The following LILRB3 variants were observed in gnomAD, a reference collection of about 807,000 sequenced individuals.
LILRB3 encodes leukocyte immunoglobulin like receptor B3, also known as leukocyte immunoglobulin-like receptor subfamily B member 3.
LILRB3 carries 32 observed loss-of-function variants against 68.2 expected under a neutral mutation model. That is an observed-to-expected ratio of 0.47 (90% confidence interval 0.35 to 0.63). The LOEUF is 0.63. Among genes scored for constraint, LILRB3 ranks in the 30% least tolerant of loss-of-function variants. The probability of loss-of-function intolerance (pLI) is 0.00; values close to 1 mark genes in which losing one functional copy is unlikely to be tolerated. For missense variants in LILRB3, 502 were observed against 791.3 expected (o/e 0.63, Z 4.39); for synonymous variants, 185 against 323.1 (o/e 0.57, Z 4.58).
rs576037242 is a variant in LILRB3 at position 54,216,602 on chromosome 19, G to A, written c.*491C>T. 1.3e-4 allele frequency: 127 copies of A among 1,007,314 alleles called. 1 individual carries two copies. Among genetic ancestry groups the A allele is most frequent in the African/African-American group, 1.0e-4 (6 of 57,634 alleles). 62.4% of individuals were successfully genotyped at this position (1,007,314 alleles called of 1,614,324 possible). ...TGAGATTATAGGCGTGAGCCACCGC[G>A]CCCGGCCTATTTATGCTTCTTAATT... On this transcript the variant is annotated 3_prime_UTR_variant, in exon 13 of 13. Coordinates refer to ENST00000445347, the Ensembl canonical transcript of LILRB3.
At chr19:54,219,051 T>G in intron 8 of LILRB3, 78 bp downstream of exon 8, 1 of 1,537,962 alleles carries the variant, frequency 6.5e-7, no homozygotes, top group Non-Finnish European at 8.7e-7. Flanking sequence ...CTGACACCCC[T>G]GTGTGTTTGG....
At chr19:54,218,168 C>T (rs2077679295) in intron 11 of LILRB3, among the ~76,000 whole-genome samples, 193 bp downstream of exon 11, 1 of 151,854 alleles carries the variant, frequency 6.6e-6, no homozygotes, top group Non-Finnish European at 1.5e-5. Flanking sequence ...AGGAAGGGGA[C>T]CCGGGAGGAG....
At chr19:54,219,935 G>A (rs1385324677) in intron 7 of LILRB3, 2 of 1,432,354 alleles carry the variant, frequency 1.4e-6, no homozygotes, top group East Asian at 5.0e-5. Flanking sequence ...TCAGGACAGG[G>A]AGGTGAAGGC....
intron 7 of LILRB3, 115 bp from the exon 8 acceptor site, chr19:54,219,360 A>G: frequency 6.8e-7 from 1 of 1,472,928 alleles, no homozygotes. Context: ...GCAGTCGTGC[A>G]ACATGGAATT....
chr19:54,218,966 GA>G (rs2077773820), intron 8 of LILRB3, 128 bp from the exon 9 acceptor site: 2 of 1,532,246 alleles, frequency 1.3e-6, no homozygotes, highest in Non-Finnish European at 1.8e-6. Context: ...TTATGAGATA[GA>G]AAAAAACTCC....
At chr19:54,217,451 C>G (rs1053002) in exon 12 of LILRB3, 146,873 of 1,528,352 alleles carry the variant, frequency 0.096, 9,774 homozygotes, top group African/African-American at 0.26. Flanking sequence ...ACGTCACTGC[C>G]TGGGGGTCTT....
chr19:54,218,498 G>T, intron 10 of LILRB3, 85 bp from the exon 11 acceptor site: 4 of 1,604,428 alleles, frequency 2.5e-6, no homozygotes, highest in Non-Finnish European at 2.6e-6. Flanking sequence ...CCCAGATGGG[G>T]CCACCGAATG....
chr19:54,219,334 C>G, intron 7 of LILRB3, 89 bp from the exon 8 acceptor site: 1 of 1,485,830 alleles, frequency 6.7e-7, no homozygotes, highest in Non-Finnish European at 9.1e-7. Context: ...TCCTTCGTGA[C>G]CTCCAACCCT....
At chr19:54,219,732 C>T in intron 7 of LILRB3, 1 of 1,479,910 alleles carries the variant, frequency 6.8e-7, no homozygotes, top group African/African-American at 1.4e-5. Flanking sequence ...CTCTCCTTTA[C>T]ACTTGGAGAA....
chr19:54,219,203 G>C (rs1276694933), exon 8 of LILRB3: 2 of 1,596,138 alleles, frequency 1.3e-6, no homozygotes, highest in African/African-American at 2.7e-5. Flanking sequence ...CAGGACGAAG[G>C]CCACCGAGAC....
chr19:54,218,565 C>A (rs1336830345), intron 10 of LILRB3, 80 bp downstream of exon 10: 1 of 1,609,162 alleles, frequency 6.2e-7, no homozygotes, highest in African/African-American at 1.3e-5. Context: ...CAGACCCTTC[C>A]CAGCCCCTCC....
chr19:54,221,730 A>T (rs2078197650), intron 4 of LILRB3, 98 bp downstream of exon 4: 1 of 1,580,836 alleles, frequency 6.3e-7, no homozygotes, highest in Admixed American at 1.7e-5. Context: ...CCTTCAACAC[A>T]TCACTCTGGG....
At chr19:54,219,978 T>G in intron 7 of LILRB3, 177 bp downstream of exon 7, 2 of 1,275,118 alleles carry the variant, frequency 1.6e-6, no homozygotes, top group South Asian at 1.4e-5. Flanking sequence ...TCAGCCCGGC[T>G]CCTCCTCCTG....
At chr19:54,218,975 TC>T (rs2077775637) in intron 8 of LILRB3, 137 bp from the exon 9 acceptor site, 3 of 1,527,488 alleles carry the variant, frequency 2.0e-6, no homozygotes, top group Non-Finnish European at 2.6e-6. Context: ...AGAAAAAAAC[TC>T]CCATGAATAC....
intron 11 of LILRB3, among the ~76,000 whole-genome samples, chr19:54,217,865 T>C: frequency 6.6e-6 from 1 of 152,092 alleles, no homozygotes; most frequent in Non-Finnish European, 1.5e-5. Context: ...CCACACTCTC[T>C]GCCCTTTCCC....
chr19:54,220,274 C>T, intron 6 of LILRB3, 69 bp from the exon 7 acceptor site: 1 of 1,254,998 alleles, frequency 8.0e-7, no homozygotes, highest in South Asian at 1.5e-5. Flanking sequence ...CACTCCCACT[C>T]TCCTGCTTCC....
At chr19:54,218,781 T>G in exon 9 of LILRB3, 1 of 1,614,110 alleles carries the variant, frequency 6.2e-7, no homozygotes. Flanking sequence ...CAGGCCCCTG[T>G]CCTTGGGCTC....
At chr19:54,221,678 T>A in intron 4 of LILRB3, 150 bp downstream of exon 4, 6 of 1,590,024 alleles carry the variant, frequency 3.8e-6, no homozygotes, top group Non-Finnish European at 5.1e-6. Context: ...TCCTCCCATG[T>A]CAGAGCCTCC....
rs1229487957 is a variant in LILRB3 at position 54,222,137 on chromosome 19, G to C, written c.356-7C>G. On this transcript the variant is annotated splice_region_variant and splice_polypyrimidine_tract_variant and intron_variant, in intron 3 of 12. Transcript: ENST00000445347. ...GTGGGTTTGTTGTAGAATCCTAGGAGAGAAAGAGGCACCGTGTTAAATGGG... is the reference window on the plus strand; with the variant it reads ...GTGGGTTTGTTGTAGAATCCTAGGACAGAAAGAGGCACCGTGTTAAATGGG... 2 of 1,607,628 alleles carry C rather than the reference G, an allele frequency of 1.2e-6. No individual in the cohort carries two copies. The highest frequency in any genetic ancestry group is 1.7e-6 in the Non-Finnish European group (2 of 1,178,828).
Sources: allele counts gnomAD v4.1 joint callset (sites outside exome capture counted in the v4.1 genomes callset), GRCh38; gene constraint gnomAD v4.1.1; transcripts MANE v1.5; gene names NCBI Gene and HGNC (gene_info 2026-07-23, HGNC 2026-07-21).